The following PLXNC1 variants were observed in gnomAD, a reference collection of about 807,000 sequenced individuals.
PLXNC1 encodes plexin-C1.
A neutral mutation model predicts 178.2 loss-of-function variants in PLXNC1; 75 were observed. That is an observed-to-expected ratio of 0.42 (90% CI 0.35 to 0.51). The LOEUF is 0.51. Ranked by LOEUF, PLXNC1 falls within the 20% of genes least tolerant of loss-of-function variation. The pLI is 0.02. For synonymous variants in PLXNC1, 790 were observed against 779.9 expected (o/e 1.01, Z -0.22); for missense variants, 1,503 against 1,984.4 (o/e 0.76, Z 4.61).
chr12:94,300,705 A>G (rs1161908527), intron 27 of PLXNC1, among the ~76,000 whole-genome samples: 1 of 152,152 alleles, frequency 6.6e-6, no homozygotes, highest in Non-Finnish European at 1.5e-5. Flanking sequence ...ACCCTCCTCT[A>G]TCCTTCTTTT....
chr12:94,233,548 G>A (rs1964166152), intron 9 of PLXNC1, among the ~76,000 whole-genome samples: 1 of 152,182 alleles, frequency 6.6e-6, no homozygotes, highest in Non-Finnish European at 1.5e-5. Flanking sequence ...TCTTCGCACA[G>A]GGCATTGGTC....
At chr12:94,165,514 T>C (rs1299923131) in intron 1 of PLXNC1, among the ~76,000 whole-genome samples, 1 of 152,196 alleles carries the variant, frequency 6.6e-6, no homozygotes, top group African/African-American at 2.4e-5. Context: ...GCCAGGGTCC[T>C]CCAGGCTGGT....
intron 10 of PLXNC1, among the ~76,000 whole-genome samples, chr12:94,239,327 A>G (rs1250705792): frequency 6.6e-6 from 1 of 152,232 alleles, no homozygotes; most frequent in Non-Finnish European, 1.5e-5. Context: ...GGAATGACCT[A>G]CATTTTCACC....
chr12:94,231,860 A>G (rs1964113123), intron 9 of PLXNC1, among the ~76,000 whole-genome samples: 1 of 151,984 alleles, frequency 6.6e-6, no homozygotes, highest in African/African-American at 2.4e-5. Context: ...TAACATTCTC[A>G]TATCTGGTGC....
rs115408156 is a variant in PLXNC1, at chr12:94,298,702, T to A, written c.4145T>A (p.Phe1382Tyr). Residue 1382 changes from phenylalanine to tyrosine, a missense_variant, in exon 27 of 31, where the codon TTT becomes TAT. Coordinates refer to ENST00000258526, the MANE Select transcript of PLXNC1 (RefSeq NM_005761.3). ...IWSLPNSRAP[F>Y]AIKYFFDFLD... is the part of the protein sequence containing the mutation. Reference sequence around the variant, plus strand: ...AGTTTACCCAACAGCAGAGCTCCATTTGCTATAAAATACTTTTTTGACTTT... The same window carrying A: ...AGTTTACCCAACAGCAGAGCTCCATATGCTATAAAATACTTTTTTGACTTT... The A allele has an allele frequency of 6.3e-3, 10,235 of 1,613,078 alleles. 38 individuals are homozygous for A. Among genetic ancestry groups the A allele is most frequent in the Non-Finnish European group, 7.2e-3 (8,523 of 1,179,642 alleles).
intron 28 of PLXNC1, 100 bp downstream of exon 28, chr12:94,301,157 C>A: frequency 1.0e-6 from 1 of 953,182 alleles, no homozygotes; most frequent in Admixed American, 2.4e-5. Context: ...GTCTAAACTA[C>A]ACCAGCTAAA....
intron 23 of PLXNC1, among the ~76,000 whole-genome samples, chr12:94,285,804 T>G (rs1326585884): frequency 6.6e-6 from 1 of 151,982 alleles, no homozygotes; most frequent in Non-Finnish European, 1.5e-5. Flanking sequence ...CTTGTCTTGA[T>G]GAGTTAGGAG....
At position 94,227,219 on chromosome 12, in the gene PLXNC1, C is replaced by T. The variant is rs750790454; in HGVS notation, c.1964C>T (p.Thr655Ile). Residue 655 changes from threonine (T) to isoleucine (I), a missense_variant, in exon 9 of 31, where the codon ACC becomes ATC. By Grantham distance (89) the Thr-to-Ile change is moderately conservative (BLOSUM62 -1). Coordinates refer to ENST00000258526, the MANE Select transcript of PLXNC1 (RefSeq NM_005761.3). Reference protein sequence around the residue: ...GRPKENKGNRTNQALQVFYIK... With the variant: ...GRPKENKGNRINQALQVFYIK... Reference sequence around the variant, plus strand: ...CCCAAGGAGAACAAGGGGAACAGAACCAACCAGGCTTTACAGGTCAGACCC... The same window carrying T: ...CCCAAGGAGAACAAGGGGAACAGAATCAACCAGGCTTTACAGGTCAGACCC... 6.2e-7 allele frequency: 1 copy of T among 1,609,982 alleles called. No homozygotes were observed. The highest frequency in any genetic ancestry group is 8.5e-7 in the Non-Finnish European group (1 of 1,176,302).
chr12:94,212,752 C>T (rs1963525052), intron 5 of PLXNC1, among the ~76,000 whole-genome samples: 1 of 147,014 alleles, frequency 6.8e-6, no homozygotes, highest in Admixed American at 6.8e-5. Context: ...TGGAGTCTCG[C>T]TCTGTCGCCC....
At chr12:94,254,466 T>G (rs1041637408) in intron 15 of PLXNC1, 1 of 501,038 alleles carries the variant, frequency 2.0e-6, no homozygotes, top group African/African-American at 1.9e-5. Flanking sequence ...TTGGCTTGTT[T>G]CATTACGTTT....
chr12:94,179,291 G>A (rs1310460137), intron 2 of PLXNC1, among the ~76,000 whole-genome samples: 2 of 152,242 alleles, frequency 1.3e-5, no homozygotes, highest in Non-Finnish European at 2.9e-5. Context: ...TGCGCCCAAT[G>A]TGGCTGATGT....
intron 22 of PLXNC1, chr12:94,279,960 G>T: frequency 2.2e-6 from 1 of 464,714 alleles, no homozygotes; most frequent in Non-Finnish European, 4.0e-6. Context: ...CTTGCATCAT[G>T]AAATACAGAA....
intron 21 of PLXNC1, among the ~76,000 whole-genome samples, chr12:94,277,485 C>A (rs191989880): frequency 6.6e-6 from 1 of 152,312 alleles, no homozygotes; most frequent in Non-Finnish European, 1.5e-5. Context: ...AGATGCTGTT[C>A]TAAGAACTGT....
At chr12:94,198,166 T>C (rs1348855993) in intron 4 of PLXNC1, among the ~76,000 whole-genome samples, 4 of 152,086 alleles carry the variant, frequency 2.6e-5, no homozygotes, top group Non-Finnish European at 4.4e-5. Flanking sequence ...GAAAATGTGG[T>C]ACATATGTGC....
chr12:94,240,209 A>G (rs1295340960), intron 10 of PLXNC1, among the ~76,000 whole-genome samples: 1 of 152,204 alleles, frequency 6.6e-6, no homozygotes, highest in Non-Finnish European at 1.5e-5. Context: ...GCTTTCTATT[A>G]GTACTTCTTC....
At chr12:94,286,064 G>C (rs1444661647) in intron 23 of PLXNC1, among the ~76,000 whole-genome samples, 1 of 152,194 alleles carries the variant, frequency 6.6e-6, no homozygotes, top group Non-Finnish European at 1.5e-5. Context: ...GGGAGAGATA[G>C]AACATCAGTC....
At chr12:94,182,899 C>CTATCTATCTA (rs1233991637) in intron 3 of PLXNC1, among the ~76,000 whole-genome samples, 2 of 151,310 alleles carry the variant, frequency 1.3e-5, no homozygotes, top group Non-Finnish European at 2.9e-5. Context: ...ATCTATCTAT[C>CTATCTATCTA]TATCTATCAT....
At chr12:94,197,238 C>T (rs1031211976) in intron 4 of PLXNC1, among the ~76,000 whole-genome samples, 3 of 152,102 alleles carry the variant, frequency 2.0e-5, no homozygotes, top group African/African-American at 7.2e-5. Context: ...TGAATGTATC[C>T]CCCAAAGTTC....
At chr12:94,177,181 A>ACG (rs1565794337) in intron 2 of PLXNC1, among the ~76,000 whole-genome samples, 1 of 32,956 alleles carries the variant, frequency 3.0e-5, no homozygotes, top group South Asian at 1.2e-3. Context: ...ATATACGTAT[A>ACG]TATATGTATA....
Sources: allele counts gnomAD v4.1 joint callset (sites outside exome capture counted in the v4.1 genomes callset), GRCh38; gene constraint gnomAD v4.1.1; transcripts MANE v1.5; gene names NCBI Gene and HGNC (gene_info 2026-07-23, HGNC 2026-07-21).